HECW2: variants seen among roughly 807,000 people sequenced by gnomAD.
The protein encoded by HECW2 is E3 ubiquitin-protein ligase HECW2.
A neutral mutation model predicts 175.2 loss-of-function variants in HECW2; 61 were observed. That is an observed-to-expected ratio of 0.35 (90% CI 0.28 to 0.43). The LOEUF is 0.43. Among genes scored for constraint, HECW2 ranks in the 20% least tolerant of loss-of-function variants. The pLI is 1.00. For synonymous variants in HECW2, 671 were observed against 731.0 expected (o/e 0.92, Z 1.32); for missense variants, 1,524 against 2,000.5 (o/e 0.76, Z 4.54).
intron 1 of HECW2, among the ~76,000 whole-genome samples, chr2:196,571,829 C>T (rs1690400557): frequency 6.6e-6 from 1 of 152,148 alleles, no homozygotes; most frequent in African/African-American, 2.4e-5. Flanking sequence ...GATGTTTGTA[C>T]ACCTATGTTC....
chr2:196,485,837 A>G (rs1206739983), intron 1 of HECW2, among the ~76,000 whole-genome samples: 1 of 152,156 alleles, frequency 6.6e-6, no homozygotes, highest in Non-Finnish European at 1.5e-5. Flanking sequence ...ATGTGATCAA[A>G]AGTGTGAGGG....
At chr2:196,213,773 C>T (rs183390985) in intron 28 of HECW2, among the ~76,000 whole-genome samples, 70 of 152,258 alleles carry the variant, frequency 4.6e-4, no homozygotes, top group Non-Finnish European at 6.8e-4. Context: ...CCTGGAGCTC[C>T]AGGGGGAAGC....
chr2:196,332,509 C>T (rs16849755), intron 4 of HECW2, among the ~76,000 whole-genome samples: 29,531 of 152,124 alleles, frequency 0.19, 3,083 homozygotes, highest in Middle Eastern at 0.31. Context: ...GTGACACTTT[C>T]AAGATGCTCT....
At chr2:196,579,242 T>G (rs1037723326) in intron 1 of HECW2, among the ~76,000 whole-genome samples, 2 of 152,094 alleles carry the variant, frequency 1.3e-5, no homozygotes, top group African/African-American at 4.8e-5. Context: ...TAAACACCTA[T>G]GAAAATCTCC....
intron 1 of HECW2, among the ~76,000 whole-genome samples, chr2:196,553,107 T>G (rs1368892975): frequency 6.6e-6 from 1 of 152,268 alleles, no homozygotes; most frequent in African/African-American, 2.4e-5. Context: ...AACTGCTTTC[T>G]AGGAATCAAA....
chr2:196,209,786 C>T (rs541363589), intron 28 of HECW2, among the ~76,000 whole-genome samples: 12 of 141,562 alleles, frequency 8.5e-5, no homozygotes, highest in African/African-American at 3.3e-4. Context: ...TTTTTTGAGA[C>T]GGAGTCTGGC....
intron 2 of HECW2, among the ~76,000 whole-genome samples, chr2:196,426,632 C>T (rs1695555227): frequency 6.6e-6 from 1 of 151,754 alleles, no homozygotes; most frequent in South Asian, 2.1e-4. Context: ...TCTAAAACTG[C>T]AAAAAATCAA....
At chr2:196,432,626 T>C (rs1031035248) in intron 2 of HECW2, among the ~76,000 whole-genome samples, 2 of 152,222 alleles carry the variant, frequency 1.3e-5, no homozygotes, top group African/African-American at 4.8e-5. Context: ...TTCCTTCCCC[T>C]AATTGATCTA....
At chr2:196,254,344 C>T (rs956817466) in intron 18 of HECW2, among the ~76,000 whole-genome samples, 5 of 152,040 alleles carry the variant, frequency 3.3e-5, no homozygotes, top group African/African-American at 9.7e-5. Context: ...AACAGGATTC[C>T]AACACAAAAT....
At chr2:196,433,014 T>C (rs1162078288) in intron 2 of HECW2, 118 bp downstream of exon 2, 2 of 824,768 alleles carry the variant, frequency 2.4e-6, no homozygotes, top group African/African-American at 3.4e-5. Context: ...TCCCAGAATC[T>C]GCTATGTGTA....
At chr2:196,458,524 C>A (rs960274908) in intron 1 of HECW2, among the ~76,000 whole-genome samples, 2 of 151,932 alleles carry the variant, frequency 1.3e-5, no homozygotes, top group Non-Finnish European at 2.9e-5. Context: ...GCAAATCATA[C>A]AAGACTCTAA....
At chr2:196,259,050 T>C (rs1484898616) in intron 17 of HECW2, among the ~76,000 whole-genome samples, 1 of 152,246 alleles carries the variant, frequency 6.6e-6, no homozygotes, top group East Asian at 1.9e-4. Flanking sequence ...CTTGGCTCAC[T>C]GCAACCTCTG....
intron 2 of HECW2, among the ~76,000 whole-genome samples, chr2:196,350,633 CATTT>C (rs1357094176): frequency 2.6e-5 from 4 of 152,302 alleles, no homozygotes; most frequent in African/African-American, 7.2e-5. Flanking sequence ...TTCATTCATT[CATTT>C]GACAGGTATT....
At chr2:196,491,485 T>TATAC (rs1553524441) in intron 1 of HECW2, among the ~76,000 whole-genome samples, 9 of 127,054 alleles carry the variant, frequency 7.1e-5, no homozygotes, top group African/African-American at 3.3e-4. Flanking sequence ...TATATATATA[T>TATAC]ACACATATAT....
intron 2 of HECW2, among the ~76,000 whole-genome samples, chr2:196,401,712 C>T (rs1032388747): frequency 6.6e-6 from 1 of 152,094 alleles, no homozygotes; most frequent in African/African-American, 2.4e-5. Context: ...TGTGAATATT[C>T]AGGATGTTTT....
At chr2:196,286,738 T>C (rs1690405674) in intron 14 of HECW2, among the ~76,000 whole-genome samples, 1 of 152,228 alleles carries the variant, frequency 6.6e-6, no homozygotes, top group Admixed American at 6.5e-5. Context: ...CTTAAGGTAA[T>C]TAAACCAGAT....
chr2:196,237,318 G>C (rs1688291509), intron 21 of HECW2, among the ~76,000 whole-genome samples: 1 of 152,148 alleles, frequency 6.6e-6, no homozygotes, highest in African/African-American at 2.4e-5. Context: ...TGTATCCAAT[G>C]TGTAGTCTTT....
chr2:196,407,763 C>G (rs2125220789), intron 2 of HECW2, among the ~76,000 whole-genome samples: 1 of 152,312 alleles, frequency 6.6e-6, no homozygotes, highest in South Asian at 2.1e-4. Flanking sequence ...ACTGAAGTTA[C>G]TTGTTCATGT....
intron 1 of HECW2, among the ~76,000 whole-genome samples, chr2:196,545,656 A>G (rs1035118708): frequency 2.6e-5 from 4 of 152,206 alleles, no homozygotes; most frequent in African/African-American, 9.7e-5. Context: ...TCTCTCTGAA[A>G]CCATGCTCTT....
Sources: gnomAD v4.1 joint callset for allele counts (sites outside exome capture counted in the v4.1 genomes callset) on GRCh38, gnomAD v4.1.1 for gene constraint, MANE v1.5 for transcripts, NCBI Gene and HGNC (gene_info 2026-07-23, HGNC 2026-07-21) for gene names.